LRP8: variants seen among roughly 807,000 people sequenced by gnomAD.
The protein encoded by LRP8 is LDL receptor related protein 8.
Under a neutral mutation model 111.6 loss-of-function variants are expected in LRP8, and 46 were observed. The ratio of observed to expected loss-of-function variants is 0.41; its 90% confidence interval spans 0.33 to 0.53. The LOEUF is 0.53. Ranked by LOEUF, LRP8 falls within the 20% of genes least tolerant of loss-of-function variation. LRP8 has a pLI of 0.20. For missense variants in LRP8, 959 were observed against 1,297.4 expected (o/e 0.74, Z 4.01); for synonymous variants, 464 against 511.2 (o/e 0.91, Z 1.24).
At chr1:53,323,693 G>C (rs927727900) in intron 2 of LRP8, among the ~76,000 whole-genome samples, 3 of 152,256 alleles carry the variant, frequency 2.0e-5, no homozygotes, top group Non-Finnish European at 2.9e-5. Flanking sequence ...AAAGAGCCAA[G>C]TCCCAGCCAC....
chr1:53,326,842 C>T, intron 2 of LRP8, 31 bp downstream of exon 2: 1 of 1,605,948 alleles, frequency 6.2e-7, no homozygotes, highest in Non-Finnish European at 8.5e-7. Context: ...TTTTCTCTCC[C>T]CGGGTCTGAG....
At position 53,294,834 on chromosome 1, in the gene LRP8, A is replaced by G. The variant is rs1418910248; in HGVS notation, c.245-5145T>C. On this transcript the variant is annotated intron_variant, in intron 2 of 18. Transcript: ENST00000306052. This position sits in a 1 kb window ranked among gnomAD's most constrained non-coding sequence, Gnocchi z 4.1. ...CAGAGACATCCTTCCCTGAGACAGT[A>G]TACATCCTTCCCATGCTGCTCCCCA... 1.3e-5 allele frequency among the ~76,000 whole-genome samples: 2 copies of G among 151,926 alleles called. No individual in the cohort carries two copies. Among genetic ancestry groups the G allele is most frequent in the African/African-American group, 2.4e-5 (1 of 41,218 alleles).
At chr1:53,297,576 G>A (rs1649992429) in intron 2 of LRP8, among the ~76,000 whole-genome samples, 1 of 152,254 alleles carries the variant, frequency 6.6e-6, no homozygotes, top group Non-Finnish European at 1.5e-5. Context: ...CACCTGGGGA[G>A]ACTGAGAAGC....
chr1:53,311,087 C>G (rs949009736), intron 2 of LRP8, among the ~76,000 whole-genome samples: 13 of 152,184 alleles, frequency 8.5e-5, no homozygotes, highest in African/African-American at 2.9e-4. Flanking sequence ...ATGCAAGACC[C>G]AGACCCCAGC....
At position 53,327,845 on chromosome 1, in the gene LRP8, A is replaced by AGCAGCAGCAGCAGCT. The variant is rs1459977102; in HGVS notation, c.67_68insAGCTGCTGCTGCTGC (p.Leu22_Leu23insGlnLeuLeuLeuLeu). 1.4e-6 allele frequency: 2 copies of AGCAGCAGCAGCAGCT among 1,457,440 alleles called. No homozygotes were observed. The highest frequency in any genetic ancestry group is 1.8e-6 in the Non-Finnish European group (2 of 1,093,962). The allele number at this position is 1,457,440 out of a possible 1,614,324, so 90.3% of individuals were successfully genotyped here. A position where few individuals can be genotyped will look rare whatever the true frequency, so the allele number is the denominator to read the frequency against. On this transcript the variant is annotated inframe_insertion, in exon 1 of 19. Coordinates refer to ENST00000306052, the MANE Select transcript of LRP8 (RefSeq NM_004631.5). ...CGCCGCAAGATGCTGGAGCTGCAGC[A>AGCAGCAGCAGCAGCT]GCAGCAGCAGCAGCAGCAGCAGCAG...
intron 2 of LRP8, among the ~76,000 whole-genome samples, chr1:53,291,573 G>T (rs1187276247): frequency 1.3e-5 from 2 of 152,054 alleles, no homozygotes; most frequent in Admixed American, 6.5e-5. Flanking sequence ...TACACACTGG[G>T]CTTAAGTATC....
Position 53,246,719 on chromosome 1 carries a change from T to C in LRP8, c.*299A>G, listed in dbSNP as rs929877495. ...AGGTACTGTGCCATTGGCCCCCATT[T>C]GGTTATGTGCATCATGTTAGTCAGC... On this transcript the variant is annotated 3_prime_UTR_variant, in exon 19 of 19. Transcript: ENST00000306052. The C allele has an allele frequency of 2.6e-6, 1 of 378,664 alleles. No individual in the cohort carries two copies. The highest frequency in any genetic ancestry group is 2.1e-5 in the African/African-American group (1 of 46,698). 23.5% of individuals were successfully genotyped at this position (378,664 alleles called of 1,614,324 possible).
chr1:53,323,440 C>T (rs760560283), intron 2 of LRP8, among the ~76,000 whole-genome samples: 6 of 152,210 alleles, frequency 3.9e-5, no homozygotes, highest in Non-Finnish European at 7.3e-5. Flanking sequence ...GGCCAGAGAC[C>T]GGAATCTCTG....
In LRP8 at chr1:53,249,268, G is replaced by A. The variant is rs1488428757; in HGVS notation, c.2853+112C>T. ...TTTTTCTTCTTTGCCCCAACACCCA[G>A]CTTACAATTTGCAGCCTTCCCAAAC... On this transcript the variant is annotated intron_variant, in intron 18 of 18. Coordinates refer to ENST00000306052, the MANE Select transcript of LRP8 (RefSeq NM_004631.5). The surrounding 1 kb of genome is among the most constrained non-coding windows in gnomAD (Gnocchi z 4.1). The A allele has an allele frequency of 1.7e-6, 2 of 1,184,558 alleles. No individual in the cohort carries two copies. Among genetic ancestry groups the A allele is most frequent in the Non-Finnish European group, 2.4e-6 (2 of 839,214 alleles). 73.4% of individuals were successfully genotyped at this position (1,184,558 alleles called of 1,614,324 possible). A position where few individuals can be genotyped will look rare whatever the true frequency, so the allele number is the denominator to read the frequency against.
rs779192450 is a variant in LRP8, at chr1:53,271,394, G to A, written c.1007-48C>T. On this transcript the variant is annotated intron_variant, in intron 6 of 18. Transcript: ENST00000306052. ...GAAGGTCCAGGAGCCCAGGAGGAGT[G>A]GGGGCAGGGCAGGGGTAGGACCTAG... 14 of 1,611,606 alleles carry A rather than the reference G, an allele frequency of 8.7e-6. No homozygotes were observed. In the African/African-American group the frequency reaches 1.2e-4, roughly 14 times the overall value.
chr1:53,298,895 C>A (rs1650263076), intron 2 of LRP8, among the ~76,000 whole-genome samples: 1 of 152,230 alleles, frequency 6.6e-6, no homozygotes, highest in Non-Finnish European at 1.5e-5. Flanking sequence ...TCTTCTTTTG[C>A]AGTTGAGGAG....
intron 3 of LRP8, among the ~76,000 whole-genome samples, chr1:53,286,325 G>GA (rs1647543236): frequency 6.6e-6 from 1 of 152,188 alleles, no homozygotes; most frequent in South Asian, 2.1e-4. Flanking sequence ...AGTGAGCTCA[G>GA]AAAATCTCTG....
chr1:53,315,969 G>T (rs1013447350), intron 2 of LRP8, among the ~76,000 whole-genome samples: 4 of 152,020 alleles, frequency 2.6e-5, no homozygotes, highest in African/African-American at 7.3e-5. Context: ...GCATGGTGGG[G>T]GAGGTGGCAG....
chr1:53,302,137 G>C (rs1028611013), intron 2 of LRP8, among the ~76,000 whole-genome samples: 6 of 152,190 alleles, frequency 3.9e-5, no homozygotes, highest in Non-Finnish European at 8.8e-5. Context: ...TCAAAGAAAG[G>C]GGGTGATTTT....
chr1:53,305,128 C>T (rs1651697513), intron 2 of LRP8: 1 of 152,264 alleles, frequency 6.6e-6, no homozygotes, highest in African/African-American at 2.4e-5. Flanking sequence ...AGATCCCAGT[C>T]TGCTGCCTGA....
chr1:53,247,624 A>C (rs1427751966), intron 18 of LRP8, among the ~76,000 whole-genome samples: 1 of 152,196 alleles, frequency 6.6e-6, no homozygotes, highest in Non-Finnish European at 1.5e-5. Flanking sequence ...TGTCTGCCAA[A>C]AATGGCTGAC....
intron 2 of LRP8, among the ~76,000 whole-genome samples, chr1:53,320,502 C>T (rs915192): frequency 0.046 from 7,002 of 152,176 alleles, 406 homozygotes; most frequent in African/African-American, 0.14. Context: ...AGCCAGGCCC[C>T]GTGTTACTAC....
Position 53,250,778 on chromosome 1 carries a change from T to C in LRP8, c.2588A>G (p.Asn863Ser), listed in dbSNP as rs1645872092. Residue 863 changes from asparagine (N) to serine (S), a missense_variant, in exon 17 of 19, where the codon AAC (asparagine) becomes AGC (serine). Transcript: ENST00000306052. This position sits in a 1 kb window ranked among gnomAD's most constrained non-coding sequence, Gnocchi z 4.6. ...RKNTKSMNFD[N>S]PVYRKTTEEE... Reference sequence around the variant, plus strand: ...TTCTGTTGTTTTCCTGTAGACTGGGTTGTCAAAATTCATGCTTTTGGTGTT... The same window carrying C: ...TTCTGTTGTTTTCCTGTAGACTGGGCTGTCAAAATTCATGCTTTTGGTGTT... The C allele has an allele frequency of 6.2e-7, 1 of 1,614,034 alleles. No individual in the cohort carries two copies. The highest frequency in any genetic ancestry group is 8.5e-7 in the Non-Finnish European group (1 of 1,180,006).
chr1:53,304,548 C>G (rs1037790808), intron 2 of LRP8: 2 of 152,346 alleles, frequency 1.3e-5, no homozygotes, highest in African/African-American at 2.4e-5. Context: ...GTCTCTGCTG[C>G]TGGAAGCCAA....
Sources: allele counts gnomAD v4.1 joint callset (sites outside exome capture counted in the v4.1 genomes callset), GRCh38; gene constraint gnomAD v4.1.1; non-coding constraint Gnocchi (gnomAD v3.1); transcripts MANE v1.5; gene names NCBI Gene and HGNC (gene_info 2026-07-23, HGNC 2026-07-21).